Variants in PDE4D observed in about 807,000 individuals in gnomAD.
PDE4D encodes 3',5'-cyclic-AMP phosphodiesterase 4D.
Under a neutral mutation model 87.4 loss-of-function variants are expected in PDE4D, and 24 were observed. The ratio of observed to expected loss-of-function variants is 0.27; its 90% CI spans 0.20 to 0.39. The LOEUF is 0.39. Ranked by LOEUF, PDE4D falls within the 10% of genes least tolerant of loss-of-function variation. The probability of loss-of-function intolerance (pLI) is 1.00; values close to 1 mark genes in which losing one functional copy is unlikely to be tolerated. For synonymous variants in PDE4D, 384 were observed against 383.2 expected (o/e 1.00, Z -0.02); for missense variants, 714 against 1,041.0 (o/e 0.69, Z 4.32).
At chr5:60,279,835 G>A (rs924668294) in intron 1 of PDE4D, among the ~76,000 whole-genome samples, 1 of 151,690 alleles carries the variant, frequency 6.6e-6, no homozygotes, top group African/African-American at 2.4e-5. Flanking sequence ...ACACTGCCAC[G>A]ATGCCTGGCT....
intron 1 of PDE4D, among the ~76,000 whole-genome samples, chr5:59,566,934 C>T (rs1173249110): frequency 6.6e-6 from 1 of 151,868 alleles, no homozygotes; most frequent in Non-Finnish European, 1.5e-5. Context: ...TATTAGACTG[C>T]AAACAAAGGC....
At chr5:59,342,386 T>C (rs7736808) in intron 1 of PDE4D, among the ~76,000 whole-genome samples, 7,021 of 152,218 alleles carry the variant, frequency 0.046, 438 homozygotes, top group African/African-American at 0.13. Context: ...CTTGCATTCA[T>C]CTTTGATGTT....
intron 3 of PDE4D, among the ~76,000 whole-genome samples, chr5:59,959,058 G>T (rs1759176779): frequency 6.6e-6 from 1 of 151,612 alleles, no homozygotes; most frequent in Non-Finnish European, 1.5e-5. Context: ...CATTCAAACT[G>T]AGACCTACAT....
chr5:60,321,270 C>A (rs376050143), intron 1 of PDE4D, among the ~76,000 whole-genome samples: 14 of 152,138 alleles, frequency 9.2e-5, no homozygotes, highest in East Asian at 5.8e-4. Context: ...TGATCTTTGA[C>A]AAAGTCAACA....
intron 1 of PDE4D, among the ~76,000 whole-genome samples, chr5:59,767,764 G>T (rs1489716985): frequency 6.6e-6 from 1 of 152,064 alleles, no homozygotes; most frequent in African/African-American, 2.4e-5. Context: ...GTGAGGAAGG[G>T]CTTTATGAAG....
intron 1 of PDE4D, among the ~76,000 whole-genome samples, chr5:59,778,247 C>A (rs1254023218): frequency 2.0e-5 from 3 of 152,160 alleles, no homozygotes; most frequent in African/African-American, 7.2e-5. Context: ...CACTACCACA[C>A]TATTGACCTA....
chr5:59,122,049 G>A (rs1774599225), intron 5 of PDE4D, among the ~76,000 whole-genome samples: 1 of 148,616 alleles, frequency 6.7e-6, no homozygotes, highest in Non-Finnish European at 1.5e-5. Context: ...GGCTGAGGCA[G>A]AAGAATTGCT....
intron 5 of PDE4D, among the ~76,000 whole-genome samples, chr5:59,049,866 C>T (rs1258024503): frequency 6.6e-6 from 1 of 152,132 alleles, no homozygotes; most frequent in East Asian, 1.9e-4. Flanking sequence ...TTTTAACTTT[C>T]TCATAAATCT....
intron 1 of PDE4D, among the ~76,000 whole-genome samples, chr5:60,413,711 G>GTTTC (rs1365101550): frequency 2.0e-4 from 25 of 122,340 alleles, no homozygotes; most frequent in African/African-American, 8.3e-4. Context: ...TTCTTTTTTC[G>GTTTC]TTTATTTTTT....
intron 1 of PDE4D, among the ~76,000 whole-genome samples, chr5:60,253,668 C>A (rs1748729898): frequency 6.6e-6 from 1 of 151,926 alleles, no homozygotes; most frequent in Non-Finnish European, 1.5e-5. Context: ...AGAAAAAGCA[C>A]AGCCAACTTA....
At chr5:59,326,233 G>A (rs887927583) in intron 1 of PDE4D, among the ~76,000 whole-genome samples, 22 of 151,840 alleles carry the variant, frequency 1.4e-4, no homozygotes, top group East Asian at 9.7e-4. Flanking sequence ...AAACCTGCAC[G>A]TTGTGCACAT....
chr5:60,347,866 C>T (rs961265571), intron 1 of PDE4D, among the ~76,000 whole-genome samples: 5 of 152,066 alleles, frequency 3.3e-5, no homozygotes, highest in African/African-American at 4.8e-5. Context: ...AATTGCAAAG[C>T]GAAAACTCAG....
chr5:60,274,889 G>C (rs1219790458), intron 1 of PDE4D, among the ~76,000 whole-genome samples: 3 of 152,096 alleles, frequency 2.0e-5, no homozygotes, highest in African/African-American at 7.2e-5. Flanking sequence ...TTATATTTTT[G>C]CTACCAGCAG....
At chr5:59,414,313 G>T (rs1460433120) in intron 1 of PDE4D, among the ~76,000 whole-genome samples, 1 of 152,218 alleles carries the variant, frequency 6.6e-6, no homozygotes, top group Non-Finnish European at 1.5e-5. Flanking sequence ...CCCAAGCCTG[G>T]CCTCCTTCCA....
At chr5:60,002,931 T>C (rs1003206829) in intron 2 of PDE4D, among the ~76,000 whole-genome samples, 2 of 152,058 alleles carry the variant, frequency 1.3e-5, no homozygotes, top group Non-Finnish European at 2.9e-5. Context: ...GCCAGAGCAA[T>C]TAGGCAAGAA....
chr5:59,934,613 T>C (rs547117210), intron 3 of PDE4D, among the ~76,000 whole-genome samples: 1 of 152,320 alleles, frequency 6.6e-6, no homozygotes, highest in South Asian at 2.1e-4. Flanking sequence ...CTATAATATA[T>C]AGTGCAGCAT....
At chr5:60,360,838 A>G (rs1436143950) in intron 1 of PDE4D, among the ~76,000 whole-genome samples, 1 of 152,234 alleles carries the variant, frequency 6.6e-6, no homozygotes, top group Non-Finnish European at 1.5e-5. Flanking sequence ...CCACTGTTAG[A>G]GAATGAATGG....
At chr5:59,875,185 G>T (rs1748369396) in intron 1 of PDE4D, among the ~76,000 whole-genome samples, 1 of 152,072 alleles carries the variant, frequency 6.6e-6, no homozygotes, top group Non-Finnish European at 1.5e-5. Context: ...TCTGTGGCTG[G>T]GCATGGTGGC....
intron 1 of PDE4D, among the ~76,000 whole-genome samples, chr5:59,891,619 T>C (rs1302120939): frequency 6.6e-6 from 1 of 152,206 alleles, no homozygotes; most frequent in African/African-American, 2.4e-5. Context: ...ACAATTCTTA[T>C]TCTTCCCATC....
Sources: gnomAD v4.1 joint callset for allele counts (sites outside exome capture counted in the v4.1 genomes callset) on GRCh38, gnomAD v4.1.1 for gene constraint, MANE v1.5 for transcripts, NCBI Gene and HGNC (gene_info 2026-07-23, HGNC 2026-07-21) for gene names.